RNF115: variants seen among roughly 807,000 people sequenced by gnomAD.
The protein encoded by RNF115 is ring finger protein 115.
RNF115 carries 31 observed loss-of-function variants against 39.2 expected under a neutral mutation model. The observed-to-expected ratio is 0.79, with a 90% CI of 0.59 to 1.07. RNF115 has a LOEUF of 1.07. RNF115 is among the 50% of genes least tolerant of loss of function. RNF115 has a pLI of 0.00. For synonymous variants in RNF115, 124 were observed against 131.0 expected (o/e 0.95, Z 0.37); for missense variants, 384 against 381.7 (o/e 1.01, Z -0.05).
chr1:145,760,216 C>T (rs1553713669), intron 4 of RNF115, among the ~76,000 whole-genome samples: 1 of 152,060 alleles, frequency 6.6e-6, no homozygotes, highest in African/African-American at 2.4e-5. Flanking sequence ...GACAGGAATA[C>T]AAGACTAGCC....
intron 1 of RNF115, among the ~76,000 whole-genome samples, chr1:145,808,887 C>T (rs1649572239): frequency 6.6e-6 from 1 of 152,158 alleles, no homozygotes; most frequent in Admixed American, 6.5e-5. Flanking sequence ...AAATACCTCA[C>T]AGTAGTACCT....
chr1:145,767,645 G>A (rs1444031221), intron 4 of RNF115, among the ~76,000 whole-genome samples: 6 of 152,184 alleles, frequency 3.9e-5, no homozygotes, highest in African/African-American at 1.4e-4. Flanking sequence ...AGGTTGTAGC[G>A]AGCCGAGATC....
chr1:145,820,660 C>T (rs1650195903), intron 1 of RNF115, among the ~76,000 whole-genome samples: 1 of 152,106 alleles, frequency 6.6e-6, no homozygotes, highest in Admixed American at 6.5e-5. Context: ...TGCTTGAACC[C>T]AGGAGGTGGA....
chr1:145,823,456 T>TA (rs1333071039), intron 1 of RNF115, among the ~76,000 whole-genome samples: 1 of 143,790 alleles, frequency 7.0e-6, no homozygotes, highest in Non-Finnish European at 1.5e-5. Context: ...AGACCAGGTA[T>TA]AAAAGAATGC....
rs587613786 is a variant in RNF115, at chr1:145,771,559, TA to T, written c.428+151del. ...CTCTGGTTTATCATCGGGTGAGTACTAACATTCAATTTAGCTTCACTTTCAT... is the reference window on the plus strand; with the variant it reads ...CTCTGGTTTATCATCGGGTGAGTACTACATTCAATTTAGCTTCACTTTCAT... On this transcript the variant is annotated intron_variant, in intron 4 of 8. Coordinates refer to ENST00000582693, the MANE Select transcript of RNF115 (RefSeq NM_014455.4). 1.7e-4 allele frequency: 105 copies of T among 634,284 alleles called. 2 individuals are homozygous for T. Among genetic ancestry groups the T allele is most frequent in the South Asian group, 1.5e-3 (75 of 50,138 alleles). 39.3% of individuals were successfully genotyped at this position (634,284 alleles called of 1,614,324 possible).
At chr1:145,793,643 C>CA (rs1553719310) in intron 1 of RNF115, among the ~76,000 whole-genome samples, 2 of 150,804 alleles carry the variant, frequency 1.3e-5, no homozygotes, top group Non-Finnish European at 3.0e-5. Context: ...CACACACACA[C>CA]CCTCGAGAGG....
intron 1 of RNF115, among the ~76,000 whole-genome samples, chr1:145,805,562 C>G (rs1260987103): frequency 1.3e-5 from 2 of 152,068 alleles, no homozygotes; most frequent in African/African-American, 4.8e-5. Context: ...GTCCTCCATC[C>G]TAACATTTTC....
At chr1:145,821,457 CTTTT>C (rs1172613737) in intron 1 of RNF115, among the ~76,000 whole-genome samples, 1,874 of 47,262 alleles carry the variant, frequency 0.04, 5 homozygotes, top group Middle Eastern at 0.094. Context: ...TCTTCTCACT[CTTTT>C]TTTTTTTTTT....
intron 1 of RNF115, among the ~76,000 whole-genome samples, chr1:145,806,205 G>T (rs1427837707): frequency 6.6e-6 from 1 of 152,026 alleles, no homozygotes; most frequent in African/African-American, 2.4e-5. Context: ...AAAATTAGCT[G>T]GGCATTGTGG....
At chr1:145,820,438 T>C (rs1305764203) in intron 1 of RNF115, among the ~76,000 whole-genome samples, 1 of 150,946 alleles carries the variant, frequency 6.6e-6, no homozygotes, top group Non-Finnish European at 1.5e-5. Context: ...ATTCTGTCTC[T>C]ATTTAAAAAG....
intron 1 of RNF115, among the ~76,000 whole-genome samples, chr1:145,794,293 T>G (rs1648831137): frequency 6.6e-6 from 1 of 151,970 alleles, no homozygotes; most frequent in African/African-American, 2.4e-5. Context: ...ACACTTAAAG[T>G]TAAATTCTTT....
chr1:145,775,397 T>A (rs1460464063), intron 3 of RNF115, among the ~76,000 whole-genome samples: 1 of 126,908 alleles, frequency 7.9e-6, no homozygotes, highest in East Asian at 2.1e-4. Flanking sequence ...GAATGTGGCC[T>A]TTTTTTTTTT....
chr1:145,770,365 G>C (rs1559112949), intron 4 of RNF115, among the ~76,000 whole-genome samples: 1 of 152,174 alleles, frequency 6.6e-6, no homozygotes, highest in South Asian at 2.1e-4. Context: ...TTGGGGGAAA[G>C]GGGGAGTGTA....
Position 145,741,554 on chromosome 1 carries a change from C to T in RNF115, c.*5312G>A, listed in dbSNP as rs1657692508. The T allele has an allele frequency of 1.3e-5, 2 of 152,216 alleles. No homozygotes were observed. The highest frequency in any genetic ancestry group is 4.1e-4 in the South Asian group (2 of 4,834). The allele number at this position is 152,216 out of a possible 1,614,324, so 9.4% of individuals were successfully genotyped here. ...ACATTACTGCAGGCTAGGATTTCCC[C>T]CTATAGGACAGCCACTTGTGATACT... On this transcript the variant is annotated 3_prime_UTR_variant, in exon 9 of 9. Transcript: ENST00000582693.
chr1:145,816,085 G>A lies in RNF115; in HGVS notation c.102+7687C>T, dbSNP rs1323719138. Among the ~76,000 whole-genome samples, 2 of 29,872 alleles carry A rather than the reference G, an allele frequency of 6.7e-5. 1 individual carries two copies. Among genetic ancestry groups the A allele is most frequent in the Non-Finnish European group, 1.0e-4 (2 of 19,402 alleles). 19.6% of individuals were successfully genotyped at this position (29,872 alleles called of 152,430 possible). A position where few individuals can be genotyped will look rare whatever the true frequency, so the allele number is the denominator to read the frequency against. ...TTTTTGAATGGTTTTTTTTTTTTTT[G>A]AGATGGAGTCTCGCTCTTTTTGCGA... On this transcript the variant is annotated intron_variant, in intron 1 of 8. Coordinates refer to ENST00000582693, the MANE Select transcript of RNF115 (RefSeq NM_014455.4).
rs1249712113 is a variant in RNF115 at position 145,743,571 on chromosome 1, A to G, written c.*3295T>C. 1 of 151,958 alleles carries G rather than the reference A, an allele frequency of 6.6e-6. No homozygotes were observed. Among genetic ancestry groups the G allele is most frequent in the African/African-American group, 2.4e-5 (1 of 41,360 alleles). 9.4% of individuals were successfully genotyped at this position (151,958 alleles called of 1,614,324 possible). On this transcript the variant is annotated 3_prime_UTR_variant, in exon 9 of 9. Coordinates refer to ENST00000582693, the MANE Select transcript of RNF115 (RefSeq NM_014455.4). ...ACGACTGGCAGATCACCTGAGGTCT[A>G]GAGTTCAAGACCAGCCTGGCCAACA...
At chr1:145,794,288 TA>T (rs1433856353) in intron 1 of RNF115, among the ~76,000 whole-genome samples, 1 of 151,884 alleles carries the variant, frequency 6.6e-6, no homozygotes, top group Non-Finnish European at 1.5e-5. Context: ...CAAAAACACT[TA>T]AAGTTAAATT....
At chr1:145,779,984 C>G (rs961058440) in intron 3 of RNF115, among the ~76,000 whole-genome samples, 1 of 151,360 alleles carries the variant, frequency 6.6e-6, no homozygotes, top group Non-Finnish European at 1.5e-5. Flanking sequence ...TCCCAGCACT[C>G]TGGGAGGCCA....
chr1:145,753,058 G>GA lies in RNF115; in HGVS notation c.429-10dup. 6.3e-7 allele frequency: 1 copy of GA among 1,592,278 alleles called. No homozygotes were observed. Among genetic ancestry groups the GA allele is most frequent in the East Asian group, 2.2e-5 (1 of 44,726 alleles). On this transcript the variant is annotated splice_polypyrimidine_tract_variant and intron_variant, in intron 4 of 8. Transcript: ENST00000582693. ...AGATGTGTTGTAGTATTCTGTTACA[G>GA]AAGAAAAAATTAGATAAGACAACAG... is the stretch of plus-strand genomic sequence containing the variant.
Sources: gnomAD v4.1 joint callset for allele counts (sites outside exome capture counted in the v4.1 genomes callset) on GRCh38, gnomAD v4.1.1 for gene constraint, MANE v1.5 for transcripts, NCBI Gene and HGNC (gene_info 2026-07-23, HGNC 2026-07-21) for gene names.